The following RBFOX1 variants were observed in gnomAD, a reference collection of about 807,000 sequenced individuals.
RBFOX1 encodes RNA binding protein fox-1 homolog 1.
A neutral mutation model predicts 57.7 loss-of-function variants in RBFOX1; 8 were observed. The observed-to-expected ratio is 0.14, with a 90% CI of 0.08 to 0.25. The LOEUF is 0.25. Among genes scored for constraint, RBFOX1 ranks in the 10% least tolerant of loss-of-function variants. The pLI is 1.00. For synonymous variants in RBFOX1, 326 were observed against 222.4 expected, an observed-to-expected ratio of 1.47 and a Z score of -4.15; for missense variants, 611 against 548.5, an observed-to-expected ratio of 1.11 and a Z score of -1.14.
rs116104532 is a variant in RBFOX1 at position 7,670,869 on chromosome 16, C to T, written c.930+5901C>T. On this transcript the variant is annotated intron_variant, in intron 13 of 15. Coordinates refer to ENST00000550418, the MANE Select transcript of RBFOX1 (RefSeq NM_018723.4). ...GAATGACTCTTATGTCAAAAAACTG[C>T]ATCCTAGTCCGCACAAGGATTCTAC... 5.8e-3 allele frequency among the ~76,000 whole-genome samples: 880 copies of T among 152,318 alleles called. 19 individuals are homozygous for T. Among genetic ancestry groups the T allele is most frequent in the African/African-American group, 0.019 (808 of 41,568 alleles).
chr16:7,236,693 C>CT (rs766109760), intron 4 of RBFOX1, among the ~76,000 whole-genome samples: 1,640 of 149,524 alleles, frequency 0.011, 17 homozygotes, highest in African/African-American at 0.027. Flanking sequence ...TTTACTTTTT[C>CT]TTTTTTTTTT....
At chr16:6,209,380 C>G (rs1785661816) in intron 1 of RBFOX1, among the ~76,000 whole-genome samples, 1 of 123,890 alleles carries the variant, frequency 8.1e-6, no homozygotes, top group South Asian at 3.4e-4. Context: ...TTCAGAGAAA[C>G]TTAATAATAA....
chr16:6,625,090 G>A (rs549648984), intron 2 of RBFOX1, among the ~76,000 whole-genome samples: 1 of 147,482 alleles, frequency 6.8e-6, no homozygotes, highest in African/African-American at 2.5e-5. Context: ...TCTTTAACCT[G>A]GGAGGCAAAA....
chr16:5,377,596 GAGAA>G lies in RBFOX1; in HGVS notation c.220-89615_220-89612del, dbSNP rs539117498. On this transcript the variant is annotated intron_variant, in intron 1 of 2. Transcript: ENST00000585867. ...AAGAGAGGAGATGGGGGGAGAGAGA[GAGAA>G]AGAACAAGAGAGAGACAGAGAGAGA... Among the ~76,000 whole-genome samples the G allele has an allele frequency of 2.1e-3, 311 of 150,674 alleles. 1 individual carries two copies. Among genetic ancestry groups the G allele is most frequent in the Non-Finnish European group, 3.5e-3 (235 of 67,930 alleles).
chr16:6,992,018 T>G (rs1197659903), intron 3 of RBFOX1, among the ~76,000 whole-genome samples: 3 of 151,978 alleles, frequency 2.0e-5, no homozygotes. Context: ...AAACTACACC[T>G]TGAAAACTAT....
intron 3 of RBFOX1, among the ~76,000 whole-genome samples, chr16:5,852,038 A>G (rs1174842769): frequency 6.6e-6 from 1 of 152,180 alleles, no homozygotes; most frequent in East Asian, 1.9e-4. Context: ...GATCTACATC[A>G]TGGGGTGTGA....
intron 1 of RBFOX1, among the ~76,000 whole-genome samples, chr16:5,317,415 C>G (rs558748943): frequency 6.6e-6 from 1 of 152,160 alleles, no homozygotes; most frequent in Non-Finnish European, 1.5e-5. Flanking sequence ...TCAAGCCAGC[C>G]TGGCCAACAT....
intron 1 of RBFOX1, among the ~76,000 whole-genome samples, chr16:6,029,786 A>AT (rs899232416): frequency 1.3e-5 from 2 of 151,824 alleles, no homozygotes; most frequent in African/African-American, 2.4e-5. Context: ...AAAAAAAAAA[A>AT]AAAAAGGGGA....
chr16:7,341,107 C>G (rs747408672), intron 4 of RBFOX1, among the ~76,000 whole-genome samples: 10 of 152,062 alleles, frequency 6.6e-5, no homozygotes, highest in Non-Finnish European at 1.3e-4. Context: ...GATGGAGATA[C>G]TCACCCCTAT....
At chr16:6,077,232 G>C (rs375252910) in intron 1 of RBFOX1, among the ~76,000 whole-genome samples, 3 of 152,138 alleles carry the variant, frequency 2.0e-5, no homozygotes, top group African/African-American at 7.2e-5. Flanking sequence ...TGACATTTCA[G>C]AGATGGGCAG....
chr16:7,170,287 T>A (rs2080427469), intron 4 of RBFOX1, among the ~76,000 whole-genome samples: 1 of 152,160 alleles, frequency 6.6e-6, no homozygotes, highest in African/African-American at 2.4e-5. Context: ...GCACTCTGTT[T>A]TTAGAGATGG....
intron 4 of RBFOX1, among the ~76,000 whole-genome samples, chr16:7,250,540 C>A (rs1389461634): frequency 1.3e-5 from 2 of 152,212 alleles, no homozygotes; most frequent in African/African-American, 4.8e-5. Context: ...TTTATCCCCT[C>A]CCTCCAAGAA....
At chr16:6,912,911 A>C (rs141613957) in intron 3 of RBFOX1, among the ~76,000 whole-genome samples, 66 of 152,100 alleles carry the variant, frequency 4.3e-4, no homozygotes, top group Admixed American at 2.9e-3. Flanking sequence ...TGAGCCACCA[A>C]GCCCAGCCTA....
At chr16:7,202,651 C>G (rs1319894013) in intron 4 of RBFOX1, among the ~76,000 whole-genome samples, 2 of 152,182 alleles carry the variant, frequency 1.3e-5, no homozygotes, top group Non-Finnish European at 2.9e-5. Flanking sequence ...GACCTCCTGT[C>G]AGAGCAGCCA....
At chr16:6,490,308 A>G (rs2095603038) in intron 2 of RBFOX1, among the ~76,000 whole-genome samples, 1 of 152,226 alleles carries the variant, frequency 6.6e-6, no homozygotes, top group Admixed American at 6.5e-5. Context: ...GAAAACCAAG[A>G]CAGAAGTAGA....
At chr16:7,391,998 C>T (rs1289069375) in intron 4 of RBFOX1, among the ~76,000 whole-genome samples, 1 of 152,194 alleles carries the variant, frequency 6.6e-6, no homozygotes, top group African/African-American at 2.4e-5. Flanking sequence ...CTCTCTCTGT[C>T]TTCCTTCCCC....
At chr16:5,341,524 G>T (rs756327764) in intron 1 of RBFOX1, among the ~76,000 whole-genome samples, 1 of 152,168 alleles carries the variant, frequency 6.6e-6, no homozygotes, top group Non-Finnish European at 1.5e-5. Context: ...GTGGGGAAAA[G>T]AACTGAGATA....
At chr16:7,405,340 C>T (rs12599087) in intron 4 of RBFOX1, among the ~76,000 whole-genome samples, 9,597 of 152,278 alleles carry the variant, frequency 0.063, 372 homozygotes, top group East Asian at 0.18. Flanking sequence ...CCTTCAGCTG[C>T]GATGAGATTA....
chr16:6,171,785 G>A (rs2096962394), intron 1 of RBFOX1, among the ~76,000 whole-genome samples: 1 of 149,340 alleles, frequency 6.7e-6, no homozygotes, highest in Non-Finnish European at 1.5e-5. Context: ...GGGTCTGGGT[G>A]ACTTGGCTGT....
Sources: allele counts gnomAD v4.1 joint callset (sites outside exome capture counted in the v4.1 genomes callset), GRCh38; gene constraint gnomAD v4.1.1; transcripts MANE v1.5; gene names NCBI Gene and HGNC (gene_info 2026-07-23, HGNC 2026-07-21).